Variants in RBP7 observed in about 807,000 individuals in gnomAD.
The protein encoded by RBP7 is retinol binding protein 7.
RBP7 carries 13 observed loss-of-function variants against 16.7 expected under a neutral mutation model. The ratio of observed to expected loss-of-function variants is 0.78; its 90% CI spans 0.51 to 1.24. RBP7 has a LOEUF of 1.24. Among genes scored for constraint, RBP7 ranks in the 50% most tolerant of loss-of-function variants. The probability of loss-of-function intolerance (pLI) is 0.00; values close to 1 mark genes in which losing one functional copy is unlikely to be tolerated. For missense variants in RBP7, 145 were observed against 159.5 expected (o/e 0.91, Z 0.49); for synonymous variants, 54 against 56.2 (o/e 0.96, Z 0.17).
chr1:10,005,173 C>A (rs1642407045), intron 1 of RBP7, among the ~76,000 whole-genome samples: 1 of 152,096 alleles, frequency 6.6e-6, no homozygotes, highest in Admixed American at 6.6e-5. Flanking sequence ...CAGGCATGTA[C>A]CACTATGCCC....
chr1:10,014,802 A>G (rs544563692), intron 3 of RBP7, among the ~76,000 whole-genome samples: 1 of 152,168 alleles, frequency 6.6e-6, no homozygotes, highest in South Asian at 2.1e-4. Context: ...TTGTGGGAAA[A>G]CCTGATTTGT....
rs369114070 is a variant in RBP7 at position 10,007,657 on chromosome 1, C to G, written c.161C>G (p.Thr54Arg). The G allele has an allele frequency of 8.1e-6, 13 of 1,613,838 alleles. No homozygotes were observed. In the South Asian group the frequency reaches 1.1e-4, roughly 14 times the overall value. The part of the protein sequence containing the change: ...EQNGDSFTIH[T>R]NSSLRNYFVK... ...AATGGGGATTCTTTTACCATCCACA[C>G]GAACAGCAGCCTAAGGAACTACTTT... Residue 54 changes from threonine (T) to arginine (R), a missense_variant, in exon 2 of 4, where the codon ACG (threonine) becomes AGG (arginine). Coordinates refer to ENST00000294435, the MANE Select transcript of RBP7 (RefSeq NM_052960.3).
rs1642200385 is a variant in RBP7 at position 9,997,810 on chromosome 1, G to A, written c.73+479G>A. Among the ~76,000 whole-genome samples, 1 of 152,010 alleles carries A rather than the reference G, an allele frequency of 6.6e-6. No individual in the cohort carries two copies. The highest frequency in any genetic ancestry group is 2.1e-4 in the South Asian group (1 of 4,828). On this transcript the variant is annotated intron_variant, in intron 1 of 3. Transcript: ENST00000294435. This position sits in a 1 kb window ranked among gnomAD's most constrained non-coding sequence, Gnocchi z 5.9. ...CTTCCGTGCAGGCCCCGGGGCCCCG[G>A]GCGCGCTCCCGCAGCGAAGTCCCAG...
At chr1:10,000,044 A>T (rs112409036) in intron 1 of RBP7, among the ~76,000 whole-genome samples, 4,029 of 152,082 alleles carry the variant, frequency 0.026, 63 homozygotes, top group African/African-American at 0.035. Context: ...CCTGGCCAAC[A>T]TGGTGAAGCC....
chr1:10,000,616 C>T (rs190844488), intron 1 of RBP7, among the ~76,000 whole-genome samples: 2 of 152,046 alleles, frequency 1.3e-5, no homozygotes, highest in Non-Finnish European at 2.9e-5. Context: ...ATATAATTAA[C>T]TTTAAATTTA....
At chr1:10,007,803 T>C in intron 2 of RBP7, 55 bp downstream of exon 2, 2 of 1,547,582 alleles carry the variant, frequency 1.3e-6, no homozygotes, top group African/African-American at 1.4e-5. Context: ...TCCTAACACT[T>C]TGGGAGGCCA....
chr1:10,002,665 A>G (rs1392735903), intron 1 of RBP7, among the ~76,000 whole-genome samples: 3 of 151,606 alleles, frequency 2.0e-5, no homozygotes, highest in Non-Finnish European at 4.4e-5. Flanking sequence ...ATGCCCAGCT[A>G]ATTTTTATTT....
chr1:10,000,533 CA>C (rs1057004484), intron 1 of RBP7, among the ~76,000 whole-genome samples: 3 of 143,512 alleles, frequency 2.1e-5, no homozygotes, highest in African/African-American at 5.2e-5. Context: ...GACTTGGTCT[CA>C]AAAAAAATAA....
intron 3 of RBP7, among the ~76,000 whole-genome samples, chr1:10,014,087 T>G (rs1642705106): frequency 1.3e-5 from 2 of 152,198 alleles, no homozygotes; most frequent in South Asian, 2.1e-4. Flanking sequence ...TGGGGGATGG[T>G]CACCAGAAAA....
chr1:10,002,664 T>A (rs1642310845), intron 1 of RBP7, among the ~76,000 whole-genome samples: 1 of 151,948 alleles, frequency 6.6e-6, no homozygotes, highest in Non-Finnish European at 1.5e-5. Flanking sequence ...CATGCCCAGC[T>A]AATTTTTATT....
At chr1:9,999,172 G>C (rs913639890) in intron 1 of RBP7, among the ~76,000 whole-genome samples, 1 of 152,052 alleles carries the variant, frequency 6.6e-6, no homozygotes, top group African/African-American at 2.4e-5. Context: ...CATGTAAGAC[G>C]TGCCTTTTGC....
At chr1:9,998,557 C>T (rs986250235) in intron 1 of RBP7, among the ~76,000 whole-genome samples, 2 of 151,536 alleles carry the variant, frequency 1.3e-5, no homozygotes, top group African/African-American at 2.4e-5. Context: ...TATAGGCGCC[C>T]GCCACCACGC....
intron 3 of RBP7, among the ~76,000 whole-genome samples, chr1:10,012,051 TA>T (rs34227970): frequency 3.4e-5 from 5 of 147,742 alleles, no homozygotes; most frequent in Admixed American, 6.8e-5. Flanking sequence ...AAAAAATATT[TA>T]AAAAAAAAAT....
chr1:10,008,358 C>A, intron 3 of RBP7, 84 bp downstream of exon 3: 3 of 864,444 alleles, frequency 3.5e-6, no homozygotes, highest in South Asian at 1.5e-5. Context: ...CACCTGTAAT[C>A]CCAGCATTTT....
intron 3 of RBP7, among the ~76,000 whole-genome samples, chr1:10,013,714 G>T (rs1642693943): frequency 6.6e-6 from 1 of 152,058 alleles, no homozygotes; most frequent in Admixed American, 6.6e-5. Context: ...GGAGGCTGAG[G>T]CAGGATAATC....
intron 3 of RBP7, among the ~76,000 whole-genome samples, chr1:10,013,449 C>T (rs1051728337): frequency 8.6e-5 from 13 of 151,958 alleles, no homozygotes; most frequent in South Asian, 2.1e-4. Context: ...TGGGAGGACA[C>T]GGCAAGAGGA....
At chr1:10,008,053 CAAA>C (rs372996268) in intron 2 of RBP7, 117 bp from the exon 3 acceptor site, 705 of 550,066 alleles carry the variant, frequency 1.3e-3, no homozygotes, top group South Asian at 2.1e-3. Flanking sequence ...GACTCCATCT[CAAA>C]AAAAAAAAAA....
At chr1:10,007,161 GT>G in intron 1 of RBP7, 1 of 308,776 alleles carries the variant, frequency 3.2e-6, no homozygotes, top group Non-Finnish European at 6.3e-6. Flanking sequence ...GATCAGGCTG[GT>G]CTCAAACTCC....
chr1:9,997,816 C>T lies in RBP7; in HGVS notation c.73+485C>T, dbSNP rs982114716. Reference sequence around the variant, plus strand: ...TGCAGGCCCCGGGGCCCCGGGCGCGCTCCCGCAGCGAAGTCCCAGCAGCCT... The same window carrying T: ...TGCAGGCCCCGGGGCCCCGGGCGCGTTCCCGCAGCGAAGTCCCAGCAGCCT... On this transcript the variant is annotated intron_variant, in intron 1 of 3. Transcript: ENST00000294435. This position sits in a 1 kb window ranked among gnomAD's most constrained non-coding sequence, Gnocchi z 5.9. Among the ~76,000 whole-genome samples, 4 of 152,002 alleles carry T rather than the reference C, an allele frequency of 2.6e-5. No individual in the cohort carries two copies.
Sources: allele counts gnomAD v4.1 joint callset (sites outside exome capture counted in the v4.1 genomes callset), GRCh38; gene constraint gnomAD v4.1.1; non-coding constraint Gnocchi (gnomAD v3.1); transcripts MANE v1.5; gene names NCBI Gene and HGNC (gene_info 2026-07-23, HGNC 2026-07-21).